FCHSD2: variants seen among roughly 807,000 people sequenced by gnomAD.
FCHSD2 encodes F-BAR and double SH3 domains protein 2.
Under a neutral mutation model 108.1 loss-of-function variants are expected in FCHSD2, and 38 were observed. That is an observed-to-expected ratio of 0.35 (90% CI 0.27 to 0.46). The LOEUF is 0.46. FCHSD2 is among the 20% of genes least tolerant of loss of function. FCHSD2 has a pLI of 1.00. For synonymous variants in FCHSD2, 279 were observed against 314.7 expected, an observed-to-expected ratio of 0.89 and a Z score of 1.20; for missense variants, 751 against 897.8, an observed-to-expected ratio of 0.84 and a Z score of 2.09.
At chr11:73,005,572 G>A (rs1173456246) in intron 4 of FCHSD2, among the ~76,000 whole-genome samples, 4 of 152,166 alleles carry the variant, frequency 2.6e-5, no homozygotes. Flanking sequence ...CCTCAAGTCA[G>A]ACCCCAGGCT....
chr11:73,115,077 G>T (rs975284403), intron 2 of FCHSD2, among the ~76,000 whole-genome samples: 3 of 152,222 alleles, frequency 2.0e-5, no homozygotes, highest in African/African-American at 7.2e-5. Context: ...CAGTGGCAAG[G>T]CGTGCTGAAA....
intron 2 of FCHSD2, among the ~76,000 whole-genome samples, chr11:73,084,202 G>C (rs1299118541): frequency 1.3e-5 from 2 of 152,160 alleles, no homozygotes; most frequent in African/African-American, 4.8e-5. Flanking sequence ...GGGAACTAAT[G>C]AAAACAATGT....
intron 3 of FCHSD2, among the ~76,000 whole-genome samples, chr11:73,041,087 T>A (rs142380262): frequency 1.3e-5 from 2 of 152,332 alleles, no homozygotes; most frequent in East Asian, 3.9e-4. Context: ...TAAATAGTAT[T>A]CCATTGTGTA....
intron 9 of FCHSD2, among the ~76,000 whole-genome samples, chr11:72,904,120 T>C (rs901702037): frequency 2.6e-5 from 4 of 152,178 alleles, no homozygotes; most frequent in Non-Finnish European, 4.4e-5. Flanking sequence ...AGGCCGATGA[T>C]GGGGTGAGAT....
chr11:72,979,960 C>T (rs568631298), intron 8 of FCHSD2, among the ~76,000 whole-genome samples: 23 of 152,068 alleles, frequency 1.5e-4, no homozygotes, highest in African/African-American at 4.6e-4. Context: ...CCAGGAAATA[C>T]GAAAAGAACA....
At chr11:72,983,894 C>T (rs1368800771) in intron 8 of FCHSD2, 194 bp downstream of exon 8, 1 of 674,386 alleles carries the variant, frequency 1.5e-6, no homozygotes, top group Non-Finnish European at 2.7e-6. Context: ...TGTCTGTAAA[C>T]ATTTTCTTAA....
At chr11:72,973,472 A>T (rs1857044909) in intron 8 of FCHSD2, among the ~76,000 whole-genome samples, 1 of 152,274 alleles carries the variant, frequency 6.6e-6, no homozygotes, top group Non-Finnish European at 1.5e-5. Flanking sequence ...AAAGTTAAAA[A>T]TTCATACAAA....
intron 2 of FCHSD2, among the ~76,000 whole-genome samples, chr11:73,110,346 T>C (rs1860453748): frequency 6.6e-6 from 1 of 152,122 alleles, no homozygotes; most frequent in South Asian, 2.1e-4. Context: ...GGCGATATTT[T>C]ATTACGGCTT....
intron 8 of FCHSD2, among the ~76,000 whole-genome samples, chr11:72,951,299 G>A (rs1358234746): frequency 2.0e-5 from 3 of 152,214 alleles, no homozygotes; most frequent in Admixed American, 6.5e-5. Context: ...TCTGTTAAGT[G>A]GCAGAGTTGT....
intron 9 of FCHSD2, among the ~76,000 whole-genome samples, chr11:72,915,625 C>G (rs1855856842): frequency 6.6e-6 from 1 of 152,098 alleles, no homozygotes. Flanking sequence ...TCAAAACCAG[C>G]CTGGCCAACA....
intron 8 of FCHSD2, among the ~76,000 whole-genome samples, chr11:72,939,361 C>T (rs1052667109): frequency 1.6e-4 from 24 of 152,088 alleles, no homozygotes; most frequent in African/African-American, 4.1e-4. Context: ...GATTGGGCCT[C>T]AAAAACCTTT....
intron 9 of FCHSD2, among the ~76,000 whole-genome samples, chr11:72,907,066 C>T (rs1469553035): frequency 2.6e-5 from 4 of 152,046 alleles, no homozygotes; most frequent in Admixed American, 2.6e-4. Flanking sequence ...CTTCACATCC[C>T]TTGTAAGTTG....
At chr11:72,930,842 G>C (rs1056747440) in intron 8 of FCHSD2, among the ~76,000 whole-genome samples, 3 of 151,956 alleles carry the variant, frequency 2.0e-5, no homozygotes, top group Non-Finnish European at 4.4e-5. Flanking sequence ...TGGCTAATGG[G>C]TACAAAAAAA....
chr11:73,050,241 T>G (rs1485665012), intron 3 of FCHSD2, among the ~76,000 whole-genome samples: 3 of 152,174 alleles, frequency 2.0e-5, no homozygotes, highest in Non-Finnish European at 4.4e-5. Context: ...CAGACAGCCC[T>G]AGTTTGCCAG....
chr11:72,902,067 GTT>G (rs201515010), intron 10 of FCHSD2, among the ~76,000 whole-genome samples: 4 of 152,004 alleles, frequency 2.6e-5, no homozygotes, highest in East Asian at 3.9e-4. Context: ...TAGAGACAGG[GTT>G]TTGTCATGTT....
chr11:73,066,880 T>C (rs1162726302), intron 3 of FCHSD2, among the ~76,000 whole-genome samples: 3 of 152,146 alleles, frequency 2.0e-5, no homozygotes. Context: ...CTTACACTGT[T>C]GGTGGGAGTG....
intron 14 of FCHSD2, among the ~76,000 whole-genome samples, chr11:72,846,262 C>G (rs906246023): frequency 2.7e-5 from 4 of 150,632 alleles, no homozygotes; most frequent in Non-Finnish European, 5.9e-5. Context: ...CTCACTGCAA[C>G]CTCTGCCTCC....
intron 13 of FCHSD2, among the ~76,000 whole-genome samples, chr11:72,858,629 G>A (rs1462049451): frequency 6.6e-6 from 1 of 152,176 alleles, no homozygotes; most frequent in Admixed American, 6.5e-5. Flanking sequence ...GTAGAGGGTG[G>A]AAGGAGGGAG....
chr11:73,101,189 T>C (rs909974340), intron 2 of FCHSD2, among the ~76,000 whole-genome samples: 2 of 152,162 alleles, frequency 1.3e-5, no homozygotes, highest in African/African-American at 4.8e-5. Flanking sequence ...AAACATGACA[T>C]TTATTCATAA....
Sources: gnomAD v4.1 joint callset for allele counts (sites outside exome capture counted in the v4.1 genomes callset) on GRCh38, gnomAD v4.1.1 for gene constraint, MANE v1.5 for transcripts, NCBI Gene and HGNC (gene_info 2026-07-23, HGNC 2026-07-21) for gene names.